Variants in IQCK observed in about 807,000 individuals in gnomAD.
The protein encoded by IQCK is IQ domain-containing protein K.
IQCK carries 29 observed loss-of-function variants against 28.1 expected under a neutral mutation model. The ratio of observed to expected loss-of-function variants is 1.03; its 90% confidence interval spans 0.77 to 1.41. The LOEUF (loss-of-function observed/expected upper bound fraction) is 1.41, where lower values mean the gene tolerates loss of function less well. IQCK is among the 40% of genes most tolerant of loss of function. The probability of loss-of-function intolerance (pLI) is 0.00; values close to 1 mark genes in which losing one functional copy is unlikely to be tolerated. For missense variants in IQCK, 359 were observed against 314.7 expected (o/e 1.14, Z -1.07); for synonymous variants, 113 against 115.1 (o/e 0.98, Z 0.12).
intron 7 of IQCK, among the ~76,000 whole-genome samples, chr16:19,823,004 G>A (rs2056097085): frequency 6.6e-6 from 1 of 152,072 alleles, no homozygotes; most frequent in Non-Finnish European, 1.5e-5. Context: ...TAGACGAGAG[G>A]GAATGGTAGT....
intron 1 of IQCK, among the ~76,000 whole-genome samples, chr16:19,729,945 AT>A (rs1374066349): frequency 1.4e-5 from 2 of 142,462 alleles, no homozygotes; most frequent in Admixed American, 1.4e-4. Flanking sequence ...CGCCCGGCCT[AT>A]TTTATTTTAT....
intron 9 of IQCK, among the ~76,000 whole-genome samples, chr16:19,838,806 G>T (rs1034597119): frequency 1.3e-5 from 2 of 151,962 alleles, no homozygotes; most frequent in Non-Finnish European, 2.9e-5. Context: ...ATCATTTGAG[G>T]TTAGGAGTTC....
chr16:19,719,520 G>A (rs1189073129), intron 1 of IQCK, among the ~76,000 whole-genome samples: 2 of 151,464 alleles, frequency 1.3e-5, no homozygotes, highest in African/African-American at 4.9e-5. Context: ...GAACCAGGGA[G>A]GTGGCGTTGC....
chr16:19,743,680 A>G (rs1046214192), intron 4 of IQCK, among the ~76,000 whole-genome samples: 2 of 152,198 alleles, frequency 1.3e-5, no homozygotes, highest in Non-Finnish European at 2.9e-5. Flanking sequence ...CAGAGCCAAG[A>G]CTCAAACCAA....
intron 9 of IQCK, among the ~76,000 whole-genome samples, chr16:19,832,390 T>C (rs1339828975): frequency 6.8e-6 from 1 of 147,904 alleles, no homozygotes; most frequent in Non-Finnish European, 1.5e-5. Flanking sequence ...CTTGGAGAGA[T>C]TGATCTGTCA....
downstream of IQCK, chr16:19,827,244 G>T: frequency 1.4e-6 from 1 of 734,958 alleles, no homozygotes; most frequent in Non-Finnish European, 2.4e-6. Context: ...TTGTCTGCAT[G>T]GAACTCAGCT....
chr16:19,803,296 C>T (rs1467348316), intron 7 of IQCK, among the ~76,000 whole-genome samples: 2 of 152,174 alleles, frequency 1.3e-5, no homozygotes, highest in Non-Finnish European at 2.9e-5. Context: ...GCGCACGCCA[C>T]TGCACCCGGC....
At chr16:19,829,355 GAGAC>G (rs1323486014), downstream of IQCK, among the ~76,000 whole-genome samples, 2 of 138,682 alleles carry the variant, frequency 1.4e-5, no homozygotes, top group Admixed American at 7.4e-5. Flanking sequence ...TTTTTTTTCT[GAGAC>G]AGAGTCTCGC....
chr16:19,779,078 C>T (rs1171095519), intron 6 of IQCK, among the ~76,000 whole-genome samples: 1 of 152,058 alleles, frequency 6.6e-6, no homozygotes, highest in Non-Finnish European at 1.5e-5. Context: ...GAACTCCTGC[C>T]CTCAAGCAGT....
chr16:19,738,357 C>G (rs2054784800), intron 4 of IQCK, among the ~76,000 whole-genome samples: 1 of 152,180 alleles, frequency 6.6e-6, no homozygotes, highest in South Asian at 2.1e-4. Flanking sequence ...GCTTCTATTT[C>G]ATGAGTTTAG....
intron 6 of IQCK, among the ~76,000 whole-genome samples, chr16:19,776,544 A>C (rs1035957611): frequency 6.6e-6 from 1 of 152,162 alleles, no homozygotes; most frequent in Non-Finnish European, 1.5e-5. Flanking sequence ...GTCTCTACTA[A>C]AAATACAAAA....
chr16:19,719,882 AG>A (rs1363193980), intron 1 of IQCK, among the ~76,000 whole-genome samples: 2 of 151,808 alleles, frequency 1.3e-5, no homozygotes, highest in Non-Finnish European at 2.9e-5. Flanking sequence ...CATTTTGGCC[AG>A]GCTGCTCTTG....
downstream of IQCK, among the ~76,000 whole-genome samples, chr16:19,827,797 A>G (rs998999972): frequency 6.6e-6 from 1 of 150,880 alleles, no homozygotes; most frequent in African/African-American, 2.4e-5. Context: ...CCTGGCTCGC[A>G]GGCCTTCAAA....
intron 7 of IQCK, among the ~76,000 whole-genome samples, chr16:19,823,429 G>A (rs2141086092): frequency 6.6e-6 from 1 of 152,264 alleles, no homozygotes; most frequent in South Asian, 2.1e-4. Flanking sequence ...CAGCAGGAGA[G>A]ACAGTAGTTC....
rs141265340 is a variant in IQCK at position 19,820,086 on chromosome 16, A to C, written c.691-6940A>C. ...TTACCCCACACCGTATATAAAAATT[A>C]ACTCAAAATGGATCAAAGAGCTACA... On this transcript the variant is annotated intron_variant, in intron 7 of 7. Coordinates refer to ENST00000564186, the Ensembl canonical transcript of IQCK. Among the ~76,000 whole-genome samples, 829 of 152,278 alleles carry C rather than the reference A, an allele frequency of 5.4e-3. 5 individuals carry two copies. Among genetic ancestry groups the C allele is most frequent in the African/African-American group, 0.019 (790 of 41,544 alleles).
At chr16:19,763,776 A>G in intron 4 of IQCK, 72 bp from the exon 5 acceptor site, 1 of 1,175,130 alleles carries the variant, frequency 8.5e-7, no homozygotes, top group South Asian at 1.2e-5. Flanking sequence ...GTCATGTATA[A>G]GTAGACCTGT....
intron 4 of IQCK, among the ~76,000 whole-genome samples, chr16:19,752,140 G>A (rs1306306302): frequency 6.6e-6 from 1 of 152,170 alleles, no homozygotes; most frequent in African/African-American, 2.4e-5. Context: ...CTTACAGTTA[G>A]GTTGATATTC....
intron 4 of IQCK, among the ~76,000 whole-genome samples, chr16:19,755,637 C>T (rs566273096): frequency 5.3e-5 from 8 of 152,304 alleles, no homozygotes; most frequent in African/African-American, 1.9e-4. Context: ...TGACTGTAGC[C>T]TCACCTGTGC....
chr16:19,847,053 C>T (rs959012724), intron 9 of IQCK, among the ~76,000 whole-genome samples: 1 of 151,968 alleles, frequency 6.6e-6, no homozygotes, highest in East Asian at 1.9e-4. Context: ...ACCTTGGGCA[C>T]GTTGCTTAGT....
Sources: gnomAD v4.1 joint callset for allele counts (sites outside exome capture counted in the v4.1 genomes callset) on GRCh38, gnomAD v4.1.1 for gene constraint, MANE v1.5 for transcripts, NCBI Gene and HGNC (gene_info 2026-07-23, HGNC 2026-07-21) for gene names.